TXNRD1: variants seen among roughly 807,000 people sequenced by gnomAD.
The protein encoded by TXNRD1 is thioredoxin reductase 1, cytoplasmic.
A neutral mutation model predicts 80.3 loss-of-function variants in TXNRD1; 57 were observed. The observed-to-expected ratio is 0.71, with a 90% CI of 0.57 to 0.89. The LOEUF is 0.89. Ranked by LOEUF, TXNRD1 falls within the 40% of genes least tolerant of loss-of-function variation. The pLI, the probability that TXNRD1 is intolerant of heterozygous loss-of-function variation, is 0.00. For synonymous variants in TXNRD1, 291 were observed against 285.2 expected (o/e 1.02, Z -0.20); for missense variants, 730 against 803.0 (o/e 0.91, Z 1.10).
chr12:104,245,517 CAAAAAAAAAAA>C (rs10622971), intron 1 of TXNRD1, among the ~76,000 whole-genome samples: 25 of 29,262 alleles, frequency 8.5e-4, no homozygotes, highest in African/African-American at 2.5e-3. Context: ...AACTCCATCT[CAAAAAAAAAAA>C]AAAAAAAAAA....
chr12:104,323,489 C>T (rs1471501891), intron 10 of TXNRD1, among the ~76,000 whole-genome samples: 3 of 145,354 alleles, frequency 2.1e-5, no homozygotes, highest in Non-Finnish European at 3.0e-5. Flanking sequence ...CGGGCAGAGG[C>T]GCCCCTCACC....
rs71069738 is a variant in TXNRD1 at position 104,256,776 on chromosome 12, C to CAAA, written c.244-1230_244-1228dup. Among the ~76,000 whole-genome samples, 959 of 118,902 alleles carry CAAA rather than the reference C, an allele frequency of 8.1e-3. 22 individuals are homozygous for CAAA. The highest frequency in any genetic ancestry group is 0.029 in the African/African-American group (882 of 30,684). 78.0% of individuals were successfully genotyped at this position (118,902 alleles called of 152,430 possible). A position where few individuals can be genotyped will look rare whatever the true frequency, so the allele number is the denominator to read the frequency against. ...CTGGTGACAAAGTGAGACTCTGTCT[C>CAAA]AAAAAAAAAAAAAAAGAAAAAGAAA... On this transcript the variant is annotated intron_variant, in intron 2 of 16. Coordinates refer to ENST00000525566, the MANE Select transcript of TXNRD1 (RefSeq NM_001093771.3).
intron 10 of TXNRD1, 128 bp from the exon 11 acceptor site, chr12:104,325,209 G>GGGAC (rs2035714685): frequency 1.5e-6 from 1 of 670,848 alleles, no homozygotes; most frequent in Admixed American, 2.4e-5. Flanking sequence ...TGAGGGAGAT[G>GGGAC]GGACATAAAA....
At chr12:104,241,937 A>ATTTTTT (rs747774973) in intron 1 of TXNRD1, among the ~76,000 whole-genome samples, 1,782 of 96,020 alleles carry the variant, frequency 0.019, 32 homozygotes, top group Non-Finnish European at 0.021. Context: ...TATACTAATG[A>ATTTTTT]TTTTTTTTTT....
intron 2 of TXNRD1, among the ~76,000 whole-genome samples, chr12:104,256,647 C>A (rs766186038): frequency 6.6e-6 from 1 of 151,752 alleles, no homozygotes; most frequent in African/African-American, 2.4e-5. Flanking sequence ...GGTGTGGTGG[C>A]GCATGCCTGT....
At chr12:104,221,292 G>GT (rs1021781709) in intron 1 of TXNRD1, among the ~76,000 whole-genome samples, 3 of 152,012 alleles carry the variant, frequency 2.0e-5, no homozygotes, top group African/African-American at 7.2e-5. Context: ...TACCTGTTGG[G>GT]TTTTTCGTTT....
Position 104,327,783 on chromosome 12 carries a change from G to A in TXNRD1, c.1542+112G>A. On this transcript the variant is annotated intron_variant, in intron 13 of 16. Transcript: ENST00000525566. ...GATCTTGAATAATTTAGTTATTTTG[G>A]TGATGGCATCCTAGATGTCCTTTAT... 7 of 1,167,434 alleles carry A rather than the reference G, an allele frequency of 6.0e-6. No homozygotes were observed. The South Asian group carries it at 1.1e-4, about 19-fold the overall frequency. The allele number at this position is 1,167,434 out of a possible 1,614,324, so 72.3% of individuals were successfully genotyped here.
At chr12:104,229,932 T>C (rs151181950) in intron 1 of TXNRD1, among the ~76,000 whole-genome samples, 24 of 152,206 alleles carry the variant, frequency 1.6e-4, no homozygotes, top group African/African-American at 3.6e-4. Flanking sequence ...ACATTTGGGT[T>C]GTTTCCACTT....
At chr12:104,219,245 G>A (rs2032292113) in intron 1 of TXNRD1, among the ~76,000 whole-genome samples, 1 of 152,098 alleles carries the variant, frequency 6.6e-6, no homozygotes, top group South Asian at 2.1e-4. Context: ...CATAACTATT[G>A]ACATTAAAAA....
At chr12:104,295,472 A>G (rs1374500732) in intron 4 of TXNRD1, among the ~76,000 whole-genome samples, 3 of 152,134 alleles carry the variant, frequency 2.0e-5, no homozygotes, top group African/African-American at 7.2e-5. Context: ...CTGCATCCAG[A>G]ACGAAATGGG....
intron 3 of TXNRD1, among the ~76,000 whole-genome samples, chr12:104,264,124 T>C (rs1003091337): frequency 2.6e-5 from 4 of 152,206 alleles, no homozygotes; most frequent in African/African-American, 9.6e-5. Context: ...CAGATTTGCT[T>C]TGGGCACCTA....
chr12:104,246,977 G>A (rs1401893765), intron 1 of TXNRD1, among the ~76,000 whole-genome samples: 1 of 152,152 alleles, frequency 6.6e-6, no homozygotes, highest in African/African-American at 2.4e-5. Context: ...TGGATAGTAA[G>A]TACTTCATGG....
chr12:104,304,998 G>A (rs1738990792), intron 4 of TXNRD1: 2 of 1,458,964 alleles, frequency 1.4e-6, no homozygotes, highest in South Asian at 2.8e-5. Flanking sequence ...AGAGTAAAAT[G>A]TAAACTGAAG....
At chr12:104,308,154 C>G (rs12368901) in intron 4 of TXNRD1, among the ~76,000 whole-genome samples, 1 of 151,994 alleles carries the variant, frequency 6.6e-6, no homozygotes, top group African/African-American at 2.4e-5. Flanking sequence ...TGCCACCACG[C>G]CCAGCTAATT....
rs563777625 is a variant in TXNRD1, at chr12:104,275,457, C to A, written c.305-13474C>A. ...GGAGTGCAATGGTGCAATCTCGGCT[C>A]ACTGCAACCTCTGCCTCCCAGGTTC... On this transcript the variant is annotated intron_variant, in intron 3 of 16. Transcript: ENST00000525566. Among the ~76,000 whole-genome samples the A allele has an allele frequency of 2.6e-5, 4 of 151,972 alleles. No homozygotes were observed. The South Asian group carries it at 8.3e-4, about 32-fold the overall frequency.
chr12:104,334,167 T>C, intron 14 of TXNRD1, 70 bp from the exon 15 acceptor site: 3 of 655,426 alleles, frequency 4.6e-6, no homozygotes, highest in Non-Finnish European at 7.3e-6. Flanking sequence ...CTACTGTCTT[T>C]CACCATATAT....
chr12:104,257,405 T>C (rs1463570172), intron 2 of TXNRD1, among the ~76,000 whole-genome samples: 1 of 9,564 alleles, frequency 1.0e-4, no homozygotes, highest in Non-Finnish European at 4.1e-4. Flanking sequence ...TTCCAATGCT[T>C]TTTTTTTTTT....
chr12:104,233,143 T>G (rs2032660868), intron 1 of TXNRD1, among the ~76,000 whole-genome samples: 1 of 152,226 alleles, frequency 6.6e-6, no homozygotes, highest in Admixed American at 6.5e-5. Context: ...AACAAATAAC[T>G]TGGTTAAAGT....
At chr12:104,237,166 G>A (rs1470791007) in intron 1 of TXNRD1, among the ~76,000 whole-genome samples, 4 of 152,140 alleles carry the variant, frequency 2.6e-5, no homozygotes, top group South Asian at 2.1e-4. Flanking sequence ...GTTATCTACC[G>A]CTTTTGAGTT....
Sources: gnomAD v4.1 joint callset for allele counts (sites outside exome capture counted in the v4.1 genomes callset) on GRCh38, gnomAD v4.1.1 for gene constraint, MANE v1.5 for transcripts, NCBI Gene and HGNC (gene_info 2026-07-23, HGNC 2026-07-21) for gene names.